RHOU: variants seen among roughly 807,000 people sequenced by gnomAD.
RHOU encodes the protein rho-related GTP-binding protein RhoU.
A neutral mutation model predicts 12.6 loss-of-function variants in RHOU; 8 were observed. The ratio of observed to expected loss-of-function variants is 0.64; its 90% confidence interval spans 0.37 to 1.15. The LOEUF is 1.15. Among genes scored for constraint, RHOU ranks in the 50% most tolerant of loss-of-function variants. The pLI, the probability that RHOU is intolerant of heterozygous loss-of-function variation, is 0.01. For missense variants in RHOU, 258 were observed against 347.0 expected (o/e 0.74, Z 2.04); for synonymous variants, 161 against 147.4 (o/e 1.09, Z -0.67).
At chr1:228,720,156 C>T in the RHOU span, among the ~76,000 whole-genome samples, 195 of 151,992 alleles carry the variant, frequency 1.3e-3, no homozygotes, top group African/African-American at 3.4e-3. Context: ...AGCGAGACCC[C>T]GTCTCTACAG....
chr1:228,667,470 A>G, the RHOU span, among the ~76,000 whole-genome samples: 1 of 152,152 alleles, frequency 6.6e-6, no homozygotes, highest in Admixed American at 6.6e-5. Context: ...TCTTAAACAC[A>G]CTTGCATCCA....
At chr1:228,695,851 A>T in the RHOU span, among the ~76,000 whole-genome samples, 1 of 152,154 alleles carries the variant, frequency 6.6e-6, no homozygotes, top group Non-Finnish European at 1.5e-5. Context: ...CTCAACCTTC[A>T]GCCCCTCTTC....
the RHOU span, among the ~76,000 whole-genome samples, chr1:228,699,672 A>G: frequency 7.0e-6 from 1 of 142,948 alleles, no homozygotes; most frequent in African/African-American, 3.1e-5. Flanking sequence ...GGCTAATGCA[A>G]TTGTATCTGT....
chr1:228,671,705 T>A, the RHOU span, among the ~76,000 whole-genome samples: 1 of 85,818 alleles, frequency 1.2e-5, no homozygotes, highest in Non-Finnish European at 1.9e-5. Context: ...AGAGCAAGAC[T>A]CCATCTCAAA....
At chr1:228,648,437 G>A in the RHOU span, among the ~76,000 whole-genome samples, 1 of 152,212 alleles carries the variant, frequency 6.6e-6, no homozygotes, top group African/African-American at 2.4e-5. Context: ...GGTGTGCTCT[G>A]AGGTGTCAAC....
chr1:228,647,048 C>G, the RHOU span, among the ~76,000 whole-genome samples: 4 of 152,072 alleles, frequency 2.6e-5, no homozygotes, highest in Admixed American at 1.3e-4. Flanking sequence ...GAGGAGGGAG[C>G]TAGAGAGCGA....
At chr1:228,726,830 T>C in the RHOU span, among the ~76,000 whole-genome samples, 1 of 152,132 alleles carries the variant, frequency 6.6e-6, no homozygotes, top group Non-Finnish European at 1.5e-5. Flanking sequence ...ATCAATGTGG[T>C]TATAATTTGT....
chr1:228,657,271 C>T, the RHOU span, among the ~76,000 whole-genome samples: 1 of 46,510 alleles, frequency 2.2e-5, no homozygotes, highest in South Asian at 6.8e-4. Context: ...GAGCAAAAAA[C>T]TCCATCTCAA....
chr1:228,648,309 G>C, the RHOU span, among the ~76,000 whole-genome samples: 2 of 152,220 alleles, frequency 1.3e-5, no homozygotes, highest in Admixed American at 6.5e-5. Flanking sequence ...GAGTGCCAGA[G>C]GCCTTTTCCC....
At chr1:228,670,946 G>T in the RHOU span, among the ~76,000 whole-genome samples, 2 of 152,186 alleles carry the variant, frequency 1.3e-5, no homozygotes, top group African/African-American at 4.8e-5. Flanking sequence ...CTCCTGTACA[G>T]CCTACAGAAC....
At position 228,735,775 on chromosome 1, in the gene RHOU, C is replaced by A; in HGVS notation, c.33C>A (p.Pro11=). 8.2e-7 allele frequency: 1 copy of A among 1,212,532 alleles called. No individual in the cohort carries two copies. Among genetic ancestry groups the A allele is most frequent in the Non-Finnish European group, 1.0e-6 (1 of 976,604 alleles). The allele number at this position is 1,212,532 out of a possible 1,614,324, so 75.1% of individuals were successfully genotyped here. Residue 11 remains proline (P), a synonymous_variant, in exon 1 of 3, where the codon CCC becomes CCA. Transcript: ENST00000366691. This position sits in a 1 kb window ranked among gnomAD's most constrained non-coding sequence, Gnocchi z 8.1. ...CGCAGCAGGGGGACCCCGCGTTCCC[C>A]GACCGCTGCGAGGCGCCTCCGGTGC... The part of the protein sequence containing the change: MPPQQGDPAF[P]DRCEAPPVPP...
chr1:228,708,993 G>A, the RHOU span, among the ~76,000 whole-genome samples: 1 of 152,114 alleles, frequency 6.6e-6, no homozygotes, highest in Non-Finnish European at 1.5e-5. Context: ...AACAAAAAAA[G>A]GAAGGGGTTG....
chr1:228,741,035 T>C (rs1438514992), intron 2 of RHOU, among the ~76,000 whole-genome samples: 2 of 151,886 alleles, frequency 1.3e-5, no homozygotes, highest in Non-Finnish European at 2.9e-5. Flanking sequence ...GAGTTGCCAA[T>C]AGAAGCTGAA....
the RHOU span, among the ~76,000 whole-genome samples, chr1:228,659,962 A>AC: frequency 1.8e-5 from 2 of 109,124 alleles, no homozygotes; most frequent in African/African-American, 9.0e-5. Context: ...CTACAAAAAA[A>AC]AAACAAAAAA....
At chr1:228,650,644 A>G in the RHOU span, 2 of 466,750 alleles carry the variant, frequency 4.3e-6, no homozygotes, top group African/African-American at 4.1e-5. Flanking sequence ...CCAGGGTTGC[A>G]TGGATGTAAA....
At chr1:228,707,509 C>T in the RHOU span, among the ~76,000 whole-genome samples, 13 of 151,638 alleles carry the variant, frequency 8.6e-5, no homozygotes, top group East Asian at 5.8e-4. Flanking sequence ...CCCTGACCCC[C>T]GAGCAGCCTA....
At chr1:228,646,879 A>T in the RHOU span, among the ~76,000 whole-genome samples, 1 of 151,848 alleles carries the variant, frequency 6.6e-6, no homozygotes, top group Non-Finnish European at 1.5e-5. Flanking sequence ...GAGAGATAGA[A>T]ACCGAGGGAG....
chr1:228,724,317 TC>T, the RHOU span, among the ~76,000 whole-genome samples: 2 of 151,854 alleles, frequency 1.3e-5, no homozygotes, highest in Non-Finnish European at 2.9e-5. Flanking sequence ...TTTCTTGTGT[TC>T]CCCCCCAGAT....
At position 228,744,121 on chromosome 1, in the gene RHOU, CTT is replaced by C; in HGVS notation, c.*382_*383del. ...GGAGGAACACTATGGTTAACCCTCT[CTT>C]GATTAAGGGCTACTTAATGCACAGT... On this transcript the variant is annotated 3_prime_UTR_variant, in exon 3 of 3. Coordinates refer to ENST00000366691, the MANE Select transcript of RHOU (RefSeq NM_021205.6). 5.2e-6 allele frequency: 1 copy of C among 191,130 alleles called. No individual in the cohort carries two copies. Among genetic ancestry groups the C allele is most frequent in the Non-Finnish European group, 1.1e-5 (1 of 91,814 alleles). 11.8% of individuals were successfully genotyped at this position (191,130 alleles called of 1,614,324 possible).
Sources: allele counts gnomAD v4.1 joint callset (sites outside exome capture counted in the v4.1 genomes callset), GRCh38; gene constraint gnomAD v4.1.1; non-coding constraint Gnocchi (gnomAD v3.1); transcripts MANE v1.5; gene names NCBI Gene and HGNC (gene_info 2026-07-23, HGNC 2026-07-21).